DNAH1: variants seen among roughly 807,000 people sequenced by gnomAD.
DNAH1 encodes the protein axonemal beta dynein heavy chain 1.
A neutral mutation model predicts 484.3 loss-of-function variants in DNAH1; 327 were observed. The ratio of observed to expected loss-of-function variants is 0.68; its 90% confidence interval spans 0.62 to 0.74. The LOEUF is 0.74. DNAH1 is among the 30% of genes least tolerant of loss of function. The probability of loss-of-function intolerance (pLI) is 0.00; values close to 1 mark genes in which losing one functional copy is unlikely to be tolerated. For missense variants in DNAH1, 5,052 were observed against 5,546.8 expected, an observed-to-expected ratio of 0.91 and a Z score of 2.83; for synonymous variants, 2,192 against 2,191.9, an observed-to-expected ratio of 1.00 and a Z score of 0.00.
Position 52,356,731 on chromosome 3 carries a change from G to A in DNAH1, c.3811G>A (p.Glu1271Lys), listed in dbSNP as rs1251537872. The change falls in exon 22 of 78, where the codon GAG becomes AAG. Residue 1271 changes from glutamate to lysine, a missense_variant. Glu to Lys is a moderately conservative substitution (Grantham distance 56, BLOSUM62 1). Transcript: ENST00000420323. ...GGAGAGCAAGCGCTACCAGACCATGGAGCGGATCTGGAAGAAGATCATGAA... is the reference window on the plus strand; with the variant it reads ...GGAGAGCAAGCGCTACCAGACCATGAAGCGGATCTGGAAGAAGATCATGAA... Reference protein sequence around the residue: ...PVESKRYQTMERIWKKIMKNA... With the variant: ...PVESKRYQTMKRIWKKIMKNA... 6.2e-7 allele frequency: 1 copy of A among 1,613,668 alleles called. No individual in the cohort carries two copies. Among genetic ancestry groups the A allele is most frequent in the Non-Finnish European group, 8.5e-7 (1 of 1,179,764 alleles).
Position 52,395,464 on chromosome 3 carries a change from C to A in DNAH1, c.11125C>A (p.Gln3709Lys). The A allele has an allele frequency of 6.2e-7, 1 of 1,613,900 alleles. No individual in the cohort carries two copies. Among genetic ancestry groups the A allele is most frequent in the Non-Finnish European group, 8.5e-7 (1 of 1,179,884 alleles). Residue 3709 changes from glutamine (Q) to lysine (K), a missense_variant and splice_region_variant, in exon 69 of 78, where the codon CAG becomes AAG. Around this residue, in one of 4 missense-constraint regions of DNAH1, gnomAD observed 853 missense variants for 899.0 expected, o/e 0.95. Transcript: ENST00000420323. The surrounding 1 kb of genome is among the most constrained non-coding windows in gnomAD (Gnocchi z 4.4). ...KLSAISLGQGQGPRAEAMMRS... is the reference protein window; with the variant it reads ...KLSAISLGQGKGPRAEAMMRS... ...CTCTGCCATCTCCCTGGGCCAGGGG[C>A]AGGTCAGGGCTAGGCAGGGAGGAAG...
intron 59 of DNAH1, among the ~76,000 whole-genome samples, chr3:52,389,158 A>G (rs1704253884): frequency 6.6e-6 from 1 of 152,244 alleles, no homozygotes; most frequent in Non-Finnish European, 1.5e-5. Context: ...GTGGGAACAT[A>G]GAAGAGCTCA....
At chr3:52,372,117 GTCCCCAAGGCCTATAT>G (rs747611707) in intron 42 of DNAH1, 31 bp downstream of exon 42, 1 of 1,611,872 alleles carries the variant, frequency 6.2e-7, no homozygotes, top group Non-Finnish European at 8.5e-7. Context: ...TGCCTCCACT[GTCCCCAAGGCCTATAT>G]TGGGGGTTGA....
intron 17 of DNAH1, 125 bp downstream of exon 17, chr3:52,352,228 A>G: frequency 7.7e-7 from 1 of 1,302,276 alleles, no homozygotes; most frequent in Non-Finnish European, 1.0e-6. Context: ...GGGCGGGCAG[A>G]TGGATGAATG....
chr3:52,365,610 G>A (rs1703041964), intron 34 of DNAH1, among the ~76,000 whole-genome samples: 1 of 152,154 alleles, frequency 6.6e-6, no homozygotes, highest in African/African-American at 2.4e-5. Flanking sequence ...AGTAGGATGA[G>A]GGTCTCAGTT....
Position 52,368,933 on chromosome 3 carries a change from C to T in DNAH1, c.5943+15C>T. 1 of 1,607,436 alleles carries T rather than the reference C, an allele frequency of 6.2e-7. No homozygotes were observed. Among genetic ancestry groups the T allele is most frequent in the Non-Finnish European group, 8.5e-7 (1 of 1,174,428 alleles). On this transcript the variant is annotated intron_variant, in intron 37 of 77. Transcript: ENST00000420323. The surrounding 1 kb of genome is among the most constrained non-coding windows in gnomAD (Gnocchi z 4.4). The stretch of plus-strand genomic sequence containing the variant: ...AGCTCACAGAGGTGCACCTACCTGT[C>T]CACCTGCCCACTCTCCTCCAAGGCT...
Position 52,332,071 on chromosome 3 carries a change from G to A in DNAH1, c.1034-71G>A, listed in dbSNP as rs1335107629. ...GCCACTGGGCATCCACGGCACAGCCGGCCGGAACCTAGTGTTTCAGCCCAG... is the reference window on the plus strand; with the variant it reads ...GCCACTGGGCATCCACGGCACAGCCAGCCGGAACCTAGTGTTTCAGCCCAG... On this transcript the variant is annotated intron_variant, in intron 7 of 77. Transcript: ENST00000420323. 5.9e-5 allele frequency: 89 copies of A among 1,506,548 alleles called. No homozygotes were observed. In the East Asian group the frequency reaches 1.0e-3, roughly 17 times the overall value. 93.3% of individuals were successfully genotyped at this position (1,506,548 alleles called of 1,614,324 possible).
At position 52,353,234 on chromosome 3, in the gene DNAH1, G is replaced by A; in HGVS notation, c.3159G>A (p.Leu1053=). The A allele has an allele frequency of 6.2e-7, 1 of 1,613,998 alleles. No homozygotes were observed. Among genetic ancestry groups the A allele is most frequent in the Middle Eastern group, 1.6e-4 (1 of 6,062 alleles). ...TCTCTGCCATCGATGCTGAGCAGCT[G>A]GAGAAGAACGTGGTTGAAGCCTTCA... The part of the protein sequence containing the change: ...DPLSAIDAEQ[L]EKNVVEAFKT... Residue 1053 remains leucine, a synonymous_variant, in exon 19 of 78, where the codon CTG becomes CTA. Coordinates refer to ENST00000420323, the MANE Select transcript of DNAH1 (RefSeq NM_015512.5). This position sits in a 1 kb window ranked among gnomAD's most constrained non-coding sequence, Gnocchi z 5.0.
Position 52,391,477 on chromosome 3 carries a change from T to G in DNAH1, c.9926T>G (p.Leu3309Arg), listed in dbSNP as rs2153225570. The G allele has an allele frequency of 6.2e-7, 1 of 1,613,000 alleles. No individual in the cohort carries two copies. The change falls in exon 63 of 78, where the codon CTG becomes CGG. Residue 3309 changes from leucine (L) to arginine (R), a missense_variant. Physicochemically the swap from Leu to Arg is moderately radical, Grantham distance 102. Transcript: ENST00000420323. ...YKQQGNTVLK[L>R]GDTVIPYHED... ...CAGCAGGGAAACACGGTGCTGAAGCTGGGGGACACGGTGATCCCCTACCAT... is the reference window on the plus strand; with the variant it reads ...CAGCAGGGAAACACGGTGCTGAAGCGGGGGGACACGGTGATCCCCTACCAT...
intron 36 of DNAH1, among the ~76,000 whole-genome samples, chr3:52,367,769 C>T (rs1026280439): frequency 6.6e-6 from 1 of 152,200 alleles, no homozygotes; most frequent in Non-Finnish European, 1.5e-5. Flanking sequence ...GACAAGATTT[C>T]ACCATGTTGG....
At position 52,332,371 on chromosome 3, in the gene DNAH1, G is replaced by T. The variant is rs111568726; in HGVS notation, c.1263G>T (p.Thr421=). The change falls in exon 8 of 78, where the codon ACG becomes ACT. Residue 421 remains threonine, a synonymous_variant. Transcript: ENST00000420323. ...LSKIKQWALS[T]PRMRKGPSVL... ...AGATCAAGCAGTGGGCCCTGAGCAC[G>T]CCTCGGATGCGCAAAGGCCCCTCGT... 1.1e-4 allele frequency: 170 copies of T among 1,613,570 alleles called. 4 individuals are homozygous for T. In the Middle Eastern group the frequency reaches 1.3e-3, roughly 13 times the overall value.
rs1578133060 is a variant in DNAH1 at position 52,356,690 on chromosome 3, A to G, written c.3770A>G (p.Asn1257Ser). Residue 1257 changes from asparagine to serine, a missense_variant, in exon 22 of 78, where the codon AAC becomes AGC. This residue lies in a region of DNAH1 where 2,929 missense variants were observed against 3,409.4 expected (regional missense o/e 0.86). Transcript: ENST00000420323. The part of the protein sequence containing the change: ...LEPIFSSEDI[N>S]QQLPVESKRY... ...CCCATCTTTAGCTCTGAGGACATCA[A>G]CCAGCAGCTGCCTGTGGAGAGCAAG... 1.2e-6 allele frequency: 2 copies of G among 1,613,750 alleles called. No homozygotes were observed. Among genetic ancestry groups the G allele is most frequent in the African/African-American group, 1.3e-5 (1 of 74,908 alleles).
intron 62 of DNAH1, 50 bp from the exon 63 acceptor site, chr3:52,391,393 C>G (rs1704374326): frequency 6.3e-7 from 1 of 1,591,708 alleles, no homozygotes; most frequent in Non-Finnish European, 8.6e-7. Flanking sequence ...CTTCCCCTGC[C>G]CCACTGGTGA....
chr3:52,348,440 C>T (rs1702233068), intron 12 of DNAH1, among the ~76,000 whole-genome samples: 1 of 152,202 alleles, frequency 6.6e-6, no homozygotes, highest in Non-Finnish European at 1.5e-5. Flanking sequence ...CATACAGACC[C>T]TCTGTCCAAC....
Position 52,398,154 on chromosome 3 carries a change from G to A in DNAH1, c.12081G>A (p.Glu4027=), listed in dbSNP as rs1163419343. Residue 4027 remains glutamate, a synonymous_variant, in exon 75 of 78, where the codon GAG becomes GAA. Transcript: ENST00000420323. ...CAATGAACACAGTACTAGTACAAGA[G>A]GTCATTAGGTAATCACCCCGCCATA... is the stretch of plus-strand genomic sequence containing the variant. ...EESMNTVLVQ[E]VIRYNRLLQV... The A allele has an allele frequency of 1.9e-6, 3 of 1,599,424 alleles. No individual in the cohort carries two copies. The highest frequency in any genetic ancestry group is 2.3e-5 in the South Asian group (2 of 88,884).
chr3:52,354,727 G>A, intron 20 of DNAH1, 116 bp from the exon 21 acceptor site: 3 of 908,188 alleles, frequency 3.3e-6, no homozygotes, highest in Non-Finnish European at 5.1e-6. Context: ...ATTTGCCAGA[G>A]CGGCCATGTG....
In DNAH1 at chr3:52,386,316, C is replaced by T. The variant is rs772814823; in HGVS notation, c.8782C>T (p.Arg2928Cys). The change falls in exon 55 of 78, where the codon CGC (arginine) becomes TGC (cysteine). Residue 2928 changes from arginine (R) to cysteine (C), a missense_variant. Physicochemically the swap from Arg to Cys is radical, Grantham distance 180. Transcript: ENST00000420323. The part of the protein sequence containing the change: ...PALDAALASL[R>C]NLNKNDVTEV... ...CCTGGATGCGGCTCTGGCCAGCCTGCGCAACCTCAACAAGAACGATGTGAC... is the reference window on the plus strand; with the variant it reads ...CCTGGATGCGGCTCTGGCCAGCCTGTGCAACCTCAACAAGAACGATGTGAC... 11 of 1,592,374 alleles carry T rather than the reference C, an allele frequency of 6.9e-6. No homozygotes were observed. The highest frequency in any genetic ancestry group is 5.7e-5 in the South Asian group (5 of 88,024).
At chr3:52,387,398 C>T (rs542968126) in intron 56 of DNAH1, among the ~76,000 whole-genome samples, 1 of 152,290 alleles carries the variant, frequency 6.6e-6, no homozygotes, top group Non-Finnish European at 1.5e-5. Context: ...GCCTGGAGCT[C>T]ATAACCTCTT....
At chr3:52,335,218 G>A (rs1157892509) in intron 8 of DNAH1, among the ~76,000 whole-genome samples, 3 of 126,726 alleles carry the variant, frequency 2.4e-5, no homozygotes, top group African/African-American at 3.1e-5. Context: ...ACCACACCCA[G>A]CTAATTTTTG....
Sources: allele counts gnomAD v4.1 joint callset (sites outside exome capture counted in the v4.1 genomes callset), GRCh38; gene constraint gnomAD v4.1.1; regional missense constraint gnomAD v4.1.1; non-coding constraint Gnocchi (gnomAD v3.1); transcripts MANE v1.5; gene names NCBI Gene and HGNC (gene_info 2026-07-23, HGNC 2026-07-21).